Variants in TCF7 observed in about 807,000 individuals in gnomAD.
TCF7 encodes transcription factor 7.
TCF7 carries 19 observed loss-of-function variants against 46.8 expected under a neutral mutation model. The observed-to-expected ratio is 0.41, with a 90% confidence interval of 0.28 to 0.60. The LOEUF is 0.60. Ranked by LOEUF, TCF7 falls within the 20% of genes least tolerant of loss-of-function variation. The pLI is 0.35. For missense variants in TCF7, 547 were observed against 504.6 expected, an observed-to-expected ratio of 1.08 and a Z score of -0.81; for synonymous variants, 245 against 213.4, an observed-to-expected ratio of 1.15 and a Z score of -1.29.
In TCF7 at chr5:134,146,424, C is replaced by A; in HGVS notation, c.*121C>A. The A allele has an allele frequency of 8.1e-7, 1 of 1,239,298 alleles. No homozygotes were observed. Among genetic ancestry groups the A allele is most frequent in the Non-Finnish European group, 1.2e-6 (1 of 841,098 alleles). The allele number at this position is 1,239,298 out of a possible 1,614,324, so 76.8% of individuals were successfully genotyped here. A position where few individuals can be genotyped will look rare whatever the true frequency, so the allele number is the denominator to read the frequency against. ...CCTACATCCCCAGGTCTCTCCACTG[C>A]TCTCAGCCTCCCAACCCCAGGGCCC... On this transcript the variant is annotated 3_prime_UTR_variant, in exon 10 of 10. Coordinates refer to ENST00000342854, the MANE Select transcript of TCF7 (RefSeq NM_003202.5).
At chr5:134,134,441 A>G (rs150710302) in intron 3 of TCF7, among the ~76,000 whole-genome samples, 16 of 152,338 alleles carry the variant, frequency 1.1e-4, no homozygotes, top group African/African-American at 2.9e-4. Context: ...GCAGGATCCA[A>G]TGTTCCTGAA....
Position 134,147,932 on chromosome 5 carries a change from C to T in TCF7, c.*1629C>T, listed in dbSNP as rs1449759524. ...CGGAGGTTCCAGTGAGCCGAGATGG[C>T]GCTATTGCACTCCAGTCTGGGTAAC... On this transcript the variant is annotated 3_prime_UTR_variant, in exon 10 of 10. Coordinates refer to ENST00000342854, the MANE Select transcript of TCF7 (RefSeq NM_003202.5). 3 of 133,166 alleles carry T rather than the reference C, an allele frequency of 2.3e-5. No individual in the cohort carries two copies. The highest frequency in any genetic ancestry group is 4.6e-5 in the Non-Finnish European group (3 of 65,406). 8.2% of individuals were successfully genotyped at this position (133,166 alleles called of 1,614,324 possible). A position where few individuals can be genotyped will look rare whatever the true frequency, so the allele number is the denominator to read the frequency against.
intron 3 of TCF7, among the ~76,000 whole-genome samples, chr5:134,136,331 T>A (rs1758856820): frequency 6.6e-6 from 1 of 152,140 alleles, no homozygotes; most frequent in Non-Finnish European, 1.5e-5. Flanking sequence ...CTCTTCTTCC[T>A]TGCTAGCCAC....
chr5:134,146,294 A>G lies in TCF7; in HGVS notation c.1146A>G (p.Thr382=). ...CCCCAGCCCCGTTCCTTCCGATGAC[A>G]GTGCTCTAGGCTGCCCCGGGTCCCC... ...AAAPAPFLPM[T]VL The change falls in exon 10 of 10, where the codon ACA becomes ACG. Residue 382 remains threonine (T), a synonymous_variant. Coordinates refer to ENST00000342854, the MANE Select transcript of TCF7 (RefSeq NM_003202.5). The G allele has an allele frequency of 1.2e-6, 2 of 1,614,160 alleles. No individual in the cohort carries two copies. Among genetic ancestry groups the G allele is most frequent in the Non-Finnish European group, 1.7e-6 (2 of 1,180,020 alleles).
At chr5:134,141,998 G>A in intron 5 of TCF7, 187 bp from the exon 6 acceptor site, 5 of 678,546 alleles carry the variant, frequency 7.4e-6, no homozygotes, top group Non-Finnish European at 1.2e-5. Flanking sequence ...TTTGCAGTGT[G>A]TCTGTGTAGT....
intron 3 of TCF7, among the ~76,000 whole-genome samples, chr5:134,129,722 C>T (rs1296315878): frequency 1.3e-5 from 2 of 152,378 alleles, no homozygotes; most frequent in African/African-American, 2.4e-5. Context: ...GAGGGTGCCT[C>T]GGGCCGGGTT....
At chr5:134,142,443 A>AG in intron 6 of TCF7, 139 bp downstream of exon 6, 2 of 23,572 alleles carry the variant, frequency 8.5e-5, no homozygotes, top group South Asian at 4.6e-4. Flanking sequence ...CAGAAGTAGG[A>AG]GGGGGTGGGT....
chr5:134,124,889 G>A (rs1006759236), intron 3 of TCF7, among the ~76,000 whole-genome samples: 23 of 152,310 alleles, frequency 1.5e-4, no homozygotes, highest in African/African-American at 5.5e-4. Flanking sequence ...GGTGCCAGTG[G>A]TGGCAAATCA....
intron 2 of TCF7, 117 bp downstream of exon 2, chr5:134,115,504 G>A: frequency 2.7e-6 from 4 of 1,484,502 alleles, no homozygotes; most frequent in Non-Finnish European, 3.6e-6. Flanking sequence ...CTCAGGAGGC[G>A]GCAGAACCCA....
intron 3 of TCF7, among the ~76,000 whole-genome samples, chr5:134,122,496 G>A (rs1006464821): frequency 9.2e-5 from 14 of 152,330 alleles, no homozygotes; most frequent in African/African-American, 2.6e-4. Flanking sequence ...AAGCAGATGA[G>A]GGTGGCCCCC....
At chr5:134,132,204 C>T (rs937736964) in intron 3 of TCF7, among the ~76,000 whole-genome samples, 3 of 152,202 alleles carry the variant, frequency 2.0e-5, no homozygotes, top group Admixed American at 6.5e-5. Flanking sequence ...GTCAGGTGGG[C>T]GTAGTAGTTG....
intron 3 of TCF7, among the ~76,000 whole-genome samples, chr5:134,126,264 CCCCAGAGCTCGCTGGCA>C (rs1326783126): frequency 6.6e-6 from 1 of 152,148 alleles, no homozygotes; most frequent in Non-Finnish European, 1.5e-5. Flanking sequence ...GCAGCAGCCA[CCCCAGAGCTCGCTGGCA>C]GCCTTTGAGG....
rs766413746 is a variant in TCF7 at position 134,133,586 on chromosome 5, C to T, written c.442-4473C>T. On this transcript the variant is annotated intron_variant, in intron 3 of 9. Coordinates refer to ENST00000342854, the MANE Select transcript of TCF7 (RefSeq NM_003202.5). Reference sequence around the variant, plus strand: ...CATGGGTGCCAGGCCCTGTGCTAGACGGTTTCCCCTGGCTCCTACCACCGG... The same window carrying T: ...CATGGGTGCCAGGCCCTGTGCTAGATGGTTTCCCCTGGCTCCTACCACCGG... Among the ~76,000 whole-genome samples, 43 of 152,226 alleles carry T rather than the reference C, an allele frequency of 2.8e-4. 1 individual carries two copies. Among genetic ancestry groups the T allele is most frequent in the Middle Eastern group, 3.4e-3 (1 of 294 alleles).
rs1255571108 is a variant in TCF7, at chr5:134,115,120, C to A, written c.214C>A (p.Pro72Thr). The change falls in exon 1 of 10, where the codon CCG becomes ACG. Residue 72 changes from proline to threonine, a missense_variant. Physicochemically the swap from Pro to Thr is conservative, Grantham distance 38. Around this residue, in one of 3 missense-constraint regions of TCF7, gnomAD observed 425 missense variants for 349.9 expected, o/e 1.21. Transcript: ENST00000342854. ...AAGGAGIPGV[P>T]GAGAGARGEA... ...CGGCGGCGCAGGGATCCCGGGGGTC[C>A]CGGGGGCCGGCGCCGGGGCCCGCGG... 2 of 1,020,478 alleles carry A rather than the reference C, an allele frequency of 2.0e-6. No homozygotes were observed. The highest frequency in any genetic ancestry group is 2.3e-6 in the Non-Finnish European group (2 of 853,458). 63.2% of individuals were successfully genotyped at this position (1,020,478 alleles called of 1,614,324 possible). A position where few individuals can be genotyped will look rare whatever the true frequency, so the allele number is the denominator to read the frequency against.
Position 134,146,408 on chromosome 5 carries a change from C to T in TCF7, c.*105C>T. On this transcript the variant is annotated 3_prime_UTR_variant, in exon 10 of 10. Transcript: ENST00000342854. The stretch of plus-strand genomic sequence containing the variant: ...CCCTGCGGAGCCGGCACCTACATCC[C>T]CAGGTCTCTCCACTGCTCTCAGCCT... 1 of 1,369,462 alleles carries T rather than the reference C, an allele frequency of 7.3e-7. No homozygotes were observed. Among genetic ancestry groups the T allele is most frequent in the Admixed American group, 1.7e-5 (1 of 59,116 alleles). The allele number at this position is 1,369,462 out of a possible 1,614,324, so 84.8% of individuals were successfully genotyped here.
At chr5:134,145,639 G>A in intron 9 of TCF7, 1 of 1,259,794 alleles carries the variant, frequency 7.9e-7, no homozygotes, top group Non-Finnish European at 1.1e-6. Context: ...CCCTGTCCAA[G>A]GGCAAGGAGG....
At chr5:134,110,584 C>G (rs777031605), upstream of TCF7, among the ~76,000 whole-genome samples, 3 of 152,226 alleles carry the variant, frequency 2.0e-5, no homozygotes, top group Non-Finnish European at 4.4e-5. Flanking sequence ...GACCTGTAAC[C>G]GGGTTTTGCC....
upstream of TCF7, among the ~76,000 whole-genome samples, chr5:134,113,836 T>C (rs908649159): frequency 4.6e-5 from 7 of 152,234 alleles, no homozygotes; most frequent in African/African-American, 1.4e-4. Context: ...TTCAGAGTCA[T>C]GGGCTCCCTA....
chr5:134,128,110 C>T (rs924317295), intron 3 of TCF7, among the ~76,000 whole-genome samples: 1 of 152,194 alleles, frequency 6.6e-6, no homozygotes, highest in African/African-American at 2.4e-5. Flanking sequence ...CCTTACACTC[C>T]GTTGCGTCTT....
Sources: gnomAD v4.1 joint callset for allele counts (sites outside exome capture counted in the v4.1 genomes callset) on GRCh38, gnomAD v4.1.1 for gene constraint, gnomAD v4.1.1 regional missense constraint, MANE v1.5 for transcripts, NCBI Gene and HGNC (gene_info 2026-07-23, HGNC 2026-07-21) for gene names.